Variants in UBN2 observed in about 807,000 individuals in gnomAD.
UBN2 encodes ubinuclein-2.
In UBN2, 35 loss-of-function variants were observed where a neutral mutation model predicts 120.2. That is an observed-to-expected ratio of 0.29 (90% confidence interval 0.22 to 0.39). The LOEUF is 0.39. Among genes scored for constraint, UBN2 ranks in the 10% least tolerant of loss-of-function variants. The pLI is 1.00. For synonymous variants in UBN2, 661 were observed against 648.7 expected, an observed-to-expected ratio of 1.02 and a Z score of -0.29; for missense variants, 1,693 against 1,663.2, an observed-to-expected ratio of 1.02 and a Z score of -0.31.
chr7:139,319,059 T>TTTGTTG, the UBN2 span, among the ~76,000 whole-genome samples: 339 of 152,056 alleles, frequency 2.2e-3, no homozygotes, highest in Non-Finnish European at 3.2e-3. Flanking sequence ...GCAAGAGTCT[T>TTTGTTG]TTGTTGTTGT....
chr7:139,289,116 G>A lies in UBN2; in HGVS notation c.3670-4116G>A, dbSNP rs76230724. 7.1e-3 allele frequency among the ~76,000 whole-genome samples: 1,080 copies of A among 152,094 alleles called. 14 individuals carry two copies. Among genetic ancestry groups the A allele is most frequent in the Non-Finnish European group, 0.01 (697 of 67,996 alleles). ...CACGGAAAGTATTTTTGATTATGGGGCATAATCTGGAACTATTTACCTGCT... is the reference window on the plus strand; with the variant it reads ...CACGGAAAGTATTTTTGATTATGGGACATAATCTGGAACTATTTACCTGCT... On this transcript the variant is annotated intron_variant, in intron 15 of 17. Coordinates refer to ENST00000473989, the MANE Select transcript of UBN2 (RefSeq NM_173569.4).
Position 139,284,303 on chromosome 7 carries a change from G to A in UBN2, c.3398G>A (p.Arg1133His), listed in dbSNP as rs780628596. 9.9e-6 allele frequency: 16 copies of A among 1,613,950 alleles called. No homozygotes were observed. Among genetic ancestry groups the A allele is most frequent in the Admixed American group, 6.7e-5 (4 of 60,000 alleles). ...ACCTTGAATTTATTGCCCTCTAGTC[G>A]CACTTCAGGCCTTCCACCTACAAAA... Reference protein sequence around the residue: ...SPTLNLLPSSRTSGLPPTKNL... With the variant: ...SPTLNLLPSSHTSGLPPTKNL... The change falls in exon 15 of 18, where the codon CGC becomes CAC. Residue 1133 changes from arginine to histidine, a missense_variant. Physicochemically the swap from Arg to His is conservative, Grantham distance 29. Coordinates refer to ENST00000473989, the MANE Select transcript of UBN2 (RefSeq NM_173569.4).
At chr7:139,291,566 G>A (rs961552755) in intron 15 of UBN2, among the ~76,000 whole-genome samples, 2 of 152,086 alleles carry the variant, frequency 1.3e-5, no homozygotes, top group African/African-American at 2.4e-5. Context: ...AAAGAAAAAT[G>A]TTGGCCAGGC....
chr7:139,242,003 C>A (rs547129091), intron 2 of UBN2, among the ~76,000 whole-genome samples: 22 of 151,830 alleles, frequency 1.4e-4, no homozygotes, highest in African/African-American at 4.4e-4. Flanking sequence ...AGCTCCCCCC[C>A]CCAAAAAAAG....
At chr7:139,255,694 C>G (rs1269651882) in intron 3 of UBN2, among the ~76,000 whole-genome samples, 2 of 151,768 alleles carry the variant, frequency 1.3e-5, no homozygotes. Context: ...GATTCTTGTT[C>G]TTTTCATTTA....
intron 7 of UBN2, among the ~76,000 whole-genome samples, chr7:139,268,519 C>A (rs577225070): frequency 6.6e-6 from 1 of 152,120 alleles, no homozygotes; most frequent in East Asian, 1.9e-4. Flanking sequence ...ATAGGGAACC[C>A]CCCCTTTTTT....
chr7:139,310,535 C>A (rs1054425107), downstream of UBN2, among the ~76,000 whole-genome samples: 1 of 152,090 alleles, frequency 6.6e-6, no homozygotes, highest in Non-Finnish European at 1.5e-5. Context: ...CTTTGGGAGG[C>A]CAAGGGAGGC....
At chr7:139,261,121 G>A (rs1375631571) in intron 5 of UBN2, 131 bp from the exon 6 acceptor site, 4 of 1,105,068 alleles carry the variant, frequency 3.6e-6, no homozygotes, top group African/African-American at 3.2e-5. Context: ...AATAGTATAA[G>A]TTAATAAGAA....
At chr7:139,239,297 A>G (rs969787223) in intron 2 of UBN2, among the ~76,000 whole-genome samples, 1 of 151,998 alleles carries the variant, frequency 6.6e-6, no homozygotes, top group African/African-American at 2.4e-5. Context: ...TTAAGGCTGC[A>G]TGCTGTTTCA....
chr7:139,306,180 G>T lies in UBN2; in HGVS notation c.*8344G>T, dbSNP rs541805735. ...CCGTCTGCCCTCAAAGCACATTTAGGAGTATCAACCAAGACCAGCCAGTTG... is the reference window on the plus strand; with the variant it reads ...CCGTCTGCCCTCAAAGCACATTTAGTAGTATCAACCAAGACCAGCCAGTTG... On this transcript the variant is annotated 3_prime_UTR_variant, in exon 18 of 18. Coordinates refer to ENST00000473989, the MANE Select transcript of UBN2 (RefSeq NM_173569.4). 6.6e-6 allele frequency: 1 copy of T among 152,260 alleles called. No homozygotes were observed. Among genetic ancestry groups the T allele is most frequent in the African/African-American group, 2.4e-5 (1 of 41,550 alleles). 9.4% of individuals were successfully genotyped at this position (152,260 alleles called of 1,614,324 possible). A position where few individuals can be genotyped will look rare whatever the true frequency, so the allele number is the denominator to read the frequency against.
chr7:139,323,623 C>T, the UBN2 span, among the ~76,000 whole-genome samples: 2 of 150,256 alleles, frequency 1.3e-5, no homozygotes, highest in Non-Finnish European at 3.0e-5. Context: ...GAGTCTCACT[C>T]TTACCACACA....
chr7:139,256,843 CATTTT>C (rs1339783180), intron 3 of UBN2, among the ~76,000 whole-genome samples: 1 of 152,110 alleles, frequency 6.6e-6, no homozygotes, highest in Non-Finnish European at 1.5e-5. Context: ...TTTCTTCAAT[CATTTT>C]ATTTCTTTTT....
intron 13 of UBN2, among the ~76,000 whole-genome samples, chr7:139,279,864 A>C (rs1406235009): frequency 6.6e-6 from 1 of 152,198 alleles, no homozygotes; most frequent in Non-Finnish European, 1.5e-5. Flanking sequence ...ACCTTCAAAC[A>C]ATAACATCTT....
At position 139,302,989 on chromosome 7, in the gene UBN2, G is replaced by A. The variant is rs1049125418; in HGVS notation, c.*5153G>A. The stretch of plus-strand genomic sequence containing the variant: ...ATGTGACAAGGCTAGCGTTAGAACC[G>A]CAGTTTGGTGTCTAAGTTTAGAAGC... On this transcript the variant is annotated 3_prime_UTR_variant, in exon 18 of 18. Coordinates refer to ENST00000473989, the MANE Select transcript of UBN2 (RefSeq NM_173569.4). 4 of 152,204 alleles carry A rather than the reference G, an allele frequency of 2.6e-5. No individual in the cohort carries two copies. Among genetic ancestry groups the A allele is most frequent in the Non-Finnish European group, 5.9e-5 (4 of 68,034 alleles). The allele number at this position is 152,204 out of a possible 1,614,324, so 9.4% of individuals were successfully genotyped here. A position where few individuals can be genotyped will look rare whatever the true frequency, so the allele number is the denominator to read the frequency against.
rs752476446 is a variant in UBN2, at chr7:139,231,901, G to A, written c.417G>A (p.Glu139=). The change falls in exon 1 of 18, where the codon GAG becomes GAA. Residue 139 remains glutamate (E), a synonymous_variant. Coordinates refer to ENST00000473989, the MANE Select transcript of UBN2 (RefSeq NM_173569.4). ...TGGTGCTTAAGGACCCCACCGACGA[G>A]AGCTGCGTGGAGTTCAGTTACCCGG... ...LELVLKDPTD[E]SCVEFSYPEL... 5 of 1,588,416 alleles carry A rather than the reference G, an allele frequency of 3.1e-6. No individual in the cohort carries two copies. The South Asian group carries it at 3.3e-5, about 10-fold the overall frequency.
Position 139,261,705 on chromosome 7 carries a change from T to C in UBN2, c.1359T>C (p.Pro453=). The change falls in exon 6 of 18, where the codon CCT becomes CCC. Residue 453 remains proline (P), a synonymous_variant. Coordinates refer to ENST00000473989, the MANE Select transcript of UBN2 (RefSeq NM_173569.4). The stretch of plus-strand genomic sequence containing the variant: ...TACCTACACTCCCAGAGGGTCTACC[T>C]GTACTTCTTGAAAAACGTATCGAAG... ...KVVPTLPEGL[P]VLLEKRIEDL... is the part of the protein sequence containing the mutation. 6.2e-7 allele frequency: 1 copy of C among 1,612,962 alleles called. No homozygotes were observed.
intron 5 of UBN2, among the ~76,000 whole-genome samples, chr7:139,260,183 C>T (rs1796887806): frequency 6.6e-6 from 1 of 152,054 alleles, no homozygotes; most frequent in Non-Finnish European, 1.5e-5. Flanking sequence ...ACTGCAGCCT[C>T]AACCTCCTGG....
At chr7:139,256,122 C>T (rs772926969) in intron 3 of UBN2, among the ~76,000 whole-genome samples, 2 of 152,164 alleles carry the variant, frequency 1.3e-5, no homozygotes, top group Non-Finnish European at 2.9e-5. Context: ...TAAATATTCA[C>T]AAAGAGTGTA....
intron 5 of UBN2, 47 bp downstream of exon 5, chr7:139,259,417 T>C (rs766291256): frequency 1.9e-6 from 3 of 1,599,966 alleles, no homozygotes; most frequent in South Asian, 2.2e-5. Context: ...ACAGTCTGAC[T>C]GTCTCTCCCT....
Sources: gnomAD v4.1 joint callset for allele counts (sites outside exome capture counted in the v4.1 genomes callset) on GRCh38, gnomAD v4.1.1 for gene constraint, MANE v1.5 for transcripts, NCBI Gene and HGNC (gene_info 2026-07-23, HGNC 2026-07-21) for gene names.